ITGB6: variants seen among roughly 807,000 people sequenced by gnomAD.
ITGB6 encodes integrin beta-6.
A neutral mutation model predicts 84.5 loss-of-function variants in ITGB6; 80 were observed. The ratio of observed to expected loss-of-function variants is 0.95; its 90% CI spans 0.79 to 1.14. ITGB6 has a LOEUF of 1.14. ITGB6 is among the 50% of genes most tolerant of loss of function. The pLI is 0.00. For synonymous variants in ITGB6, 383 were observed against 354.9 expected (o/e 1.08, Z -0.89); for missense variants, 1,006 against 968.0 (o/e 1.04, Z -0.52).
At chr2:160,154,065 T>C (rs181930820) in intron 7 of ITGB6, among the ~76,000 whole-genome samples, 156 of 152,270 alleles carry the variant, frequency 1.0e-3, no homozygotes, top group African/African-American at 3.5e-3. Flanking sequence ...CCATTTGACC[T>C]AGCAATCCCA....
intron 4 of ITGB6, among the ~76,000 whole-genome samples, chr2:160,184,847 T>A (rs548432391): frequency 6.6e-6 from 1 of 152,220 alleles, no homozygotes; most frequent in Admixed American, 6.5e-5. Context: ...ATAAACATAA[T>A]CCATCGCATA....
At chr2:160,165,820 A>G (rs1021651889) in intron 7 of ITGB6, among the ~76,000 whole-genome samples, 1 of 152,122 alleles carries the variant, frequency 6.6e-6, no homozygotes, top group Admixed American at 6.5e-5. Flanking sequence ...TCTGCATCCA[A>G]TGTGGGAGGG....
chr2:160,174,955 C>G (rs1485938885), intron 4 of ITGB6, among the ~76,000 whole-genome samples: 3 of 152,222 alleles, frequency 2.0e-5, no homozygotes, highest in Non-Finnish European at 1.5e-5. Context: ...AATCTGAACC[C>G]CTACCCAAGA....
chr2:160,197,663 A>C (rs1365249910), intron 2 of ITGB6, among the ~76,000 whole-genome samples: 5 of 152,244 alleles, frequency 3.3e-5, no homozygotes, highest in Admixed American at 3.3e-4. Context: ...TTTGTTATCT[A>C]TCAGTAGGCC....
intron 7 of ITGB6, among the ~76,000 whole-genome samples, chr2:160,159,801 C>T (rs1449925833): frequency 1.3e-5 from 2 of 152,152 alleles, no homozygotes; most frequent in Admixed American, 6.5e-5. Context: ...TCACTTTCTC[C>T]CCCTTAATTA....
At position 160,108,456 on chromosome 2, in the gene ITGB6, G is replaced by A. The variant is rs1417637696; in HGVS notation, c.2102-611C>T. Among the ~76,000 whole-genome samples the A allele has an allele frequency of 2.0e-5, 3 of 152,178 alleles. No homozygotes were observed. In the East Asian group the frequency reaches 5.8e-4, roughly 29 times the overall value. On this transcript the variant is annotated intron_variant, in intron 13 of 14. Coordinates refer to ENST00000283249, the MANE Select transcript of ITGB6 (RefSeq NM_000888.5). Reference sequence around the variant, plus strand: ...TGGTTTTGGGGAAGTTCCTAGACTAGATTCAGGAGAGGTAGATTCAATTCC... The same window carrying A: ...TGGTTTTGGGGAAGTTCCTAGACTAAATTCAGGAGAGGTAGATTCAATTCC...
chr2:160,120,966 C>G (rs376656229), intron 12 of ITGB6, among the ~76,000 whole-genome samples: 1 of 148,168 alleles, frequency 6.7e-6, no homozygotes, highest in Non-Finnish European at 1.5e-5. Context: ...TGCTAAATGA[C>G]GAGTTAATGG....
rs747421856 is a variant in ITGB6 at position 160,195,558 on chromosome 2, A to G, written c.404T>C (p.Leu135Ser). The G allele has an allele frequency of 6.2e-6, 10 of 1,614,040 alleles. No homozygotes were observed. In the East Asian group the frequency reaches 2.2e-4, roughly 36 times the overall value. ...VRQTEDYPVD[L>S]YYLMDLSASM... The stretch of plus-strand genomic sequence containing the variant: ...GGCGGAGAGGTCCATGAGGTAATAC[A>G]AATCCACCGGGTAGTCCTCAGTCTG... The change falls in exon 4 of 15, where the codon TTG (leucine) becomes TCG (serine). Residue 135 changes from leucine to serine, a missense_variant. Coordinates refer to ENST00000283249, the MANE Select transcript of ITGB6 (RefSeq NM_000888.5).
intron 12 of ITGB6, among the ~76,000 whole-genome samples, chr2:160,119,837 C>A (rs957814989): frequency 1.3e-5 from 2 of 151,992 alleles, no homozygotes; most frequent in African/African-American, 4.8e-5. Flanking sequence ...ACAAACAACC[C>A]CATCAAAAAG....
chr2:160,158,623 T>C (rs1247122178), intron 7 of ITGB6, among the ~76,000 whole-genome samples: 1 of 152,222 alleles, frequency 6.6e-6, no homozygotes, highest in African/African-American at 2.4e-5. Flanking sequence ...GCAGCCTATG[T>C]GCTTTGCAGG....
Position 160,129,110 on chromosome 2 carries a change from T to C in ITGB6, c.1661-2509A>G, listed in dbSNP as rs574897801. 1.4e-3 allele frequency among the ~76,000 whole-genome samples: 211 copies of C among 152,182 alleles called. 1 individual carries two copies. The South Asian group carries it at 0.02, about 14-fold the overall frequency. ...AGGTAGGAAGGGAACAGAAGTGATATTGCAGAGGCCTGAGGCAGACACTGT... is the reference window on the plus strand; with the variant it reads ...AGGTAGGAAGGGAACAGAAGTGATACTGCAGAGGCCTGAGGCAGACACTGT... On this transcript the variant is annotated intron_variant, in intron 10 of 14. Transcript: ENST00000283249.
intron 12 of ITGB6, among the ~76,000 whole-genome samples, chr2:160,119,316 A>G (rs1291846273): frequency 1.3e-5 from 2 of 152,012 alleles, no homozygotes; most frequent in Non-Finnish European, 2.9e-5. Flanking sequence ...ACCAAAACAG[A>G]GATATAGATC....
chr2:160,141,505 G>A (rs896989195), intron 8 of ITGB6, among the ~76,000 whole-genome samples: 3 of 152,140 alleles, frequency 2.0e-5, no homozygotes, highest in Non-Finnish European at 4.4e-5. Context: ...CCAAAGTATA[G>A]AAATTAAAAA....
At chr2:160,129,908 A>ATATATATATGTGTGTGTG (rs778178933) in intron 10 of ITGB6, among the ~76,000 whole-genome samples, 29 of 151,940 alleles carry the variant, frequency 1.9e-4, no homozygotes, top group Non-Finnish European at 4.3e-4. Context: ...GCATATATGT[A>ATATATATATGTGTGTGTG]TATATATATG....
intron 2 of ITGB6, 81 bp downstream of exon 2, chr2:160,199,098 T>C: frequency 8.7e-7 from 1 of 1,152,618 alleles, no homozygotes; most frequent in South Asian, 1.3e-5. Context: ...AGCAAGTCAC[T>C]ATCAGAAATA....
At chr2:160,159,148 T>C (rs1161171157) in intron 7 of ITGB6, among the ~76,000 whole-genome samples, 2 of 151,696 alleles carry the variant, frequency 1.3e-5, no homozygotes, top group Non-Finnish European at 1.5e-5. Flanking sequence ...CCCAGACCTC[T>C]TGAATGACAG....
chr2:160,129,031 G>C (rs1683350028), intron 10 of ITGB6, among the ~76,000 whole-genome samples: 1 of 152,074 alleles, frequency 6.6e-6, no homozygotes, highest in Non-Finnish European at 1.5e-5. Flanking sequence ...ACTCTGGAGA[G>C]CTTCAGGACT....
At chr2:160,121,015 C>G (rs1365494112) in intron 12 of ITGB6, among the ~76,000 whole-genome samples, 2 of 150,798 alleles carry the variant, frequency 1.3e-5, no homozygotes, top group Admixed American at 6.6e-5. Flanking sequence ...ACATATGTAA[C>G]AAACCTGCAC....
intron 7 of ITGB6, among the ~76,000 whole-genome samples, chr2:160,168,424 G>A (rs577248471): frequency 6.6e-6 from 1 of 152,262 alleles, no homozygotes; most frequent in Non-Finnish European, 1.5e-5. Context: ...TGCATAGAAG[G>A]CACAGACTAT....
Sources: allele counts gnomAD v4.1 joint callset (sites outside exome capture counted in the v4.1 genomes callset), GRCh38; gene constraint gnomAD v4.1.1; transcripts MANE v1.5; gene names NCBI Gene and HGNC (gene_info 2026-07-23, HGNC 2026-07-21).